Variants in FGGY observed in about 807,000 individuals in gnomAD.
The protein encoded by FGGY is FGGY carbohydrate kinase domain containing.
FGGY carries 72 observed loss-of-function variants against 71.3 expected under a neutral mutation model. That is an observed-to-expected ratio of 1.01 (90% confidence interval 0.84 to 1.23). FGGY has a LOEUF of 1.23. Among genes scored for constraint, FGGY ranks in the 50% most tolerant of loss-of-function variants. The pLI is 0.00. For synonymous variants in FGGY, 251 were observed against 250.3 expected (o/e 1.00, Z -0.02); for missense variants, 668 against 682.3 (o/e 0.98, Z 0.23).
intron 6 of FGGY, among the ~76,000 whole-genome samples, chr1:59,488,964 A>G (rs1463370574): frequency 6.6e-6 from 1 of 151,996 alleles, no homozygotes; most frequent in African/African-American, 2.4e-5. Context: ...TTCTGTTTTA[A>G]TTTCTATCTT....
At chr1:59,606,164 T>A (rs1329321426) in intron 8 of FGGY, among the ~76,000 whole-genome samples, 5 of 152,166 alleles carry the variant, frequency 3.3e-5, no homozygotes, top group African/African-American at 1.2e-4. Flanking sequence ...AAATAAAAAA[T>A]TTTAAAAAAA....
In FGGY at chr1:59,607,865, T is replaced by C. The variant is rs1471171477; in HGVS notation, c.966T>C (p.Pro322=). ...GGCCTTATTTCTCAGCCATGGTACC[T>C]GGGTTCTGGCTGAATGAAGGTGGTC... The part of the protein sequence containing the change: ...VWGPYFSAMV[P]GFWLNEGGQS... The change falls in exon 9 of 16, where the codon CCT becomes CCC. Residue 322 remains proline, a synonymous_variant. Coordinates refer to ENST00000303721, the MANE Select transcript of FGGY (RefSeq NM_018291.5). The C allele has an allele frequency of 6.2e-7, 1 of 1,614,046 alleles. No homozygotes were observed. Among genetic ancestry groups the C allele is most frequent in the Non-Finnish European group, 8.5e-7 (1 of 1,180,010 alleles).
intron 8 of FGGY, among the ~76,000 whole-genome samples, chr1:59,559,403 T>C (rs1005925169): frequency 6.6e-6 from 1 of 152,234 alleles, no homozygotes; most frequent in African/African-American, 2.4e-5. Context: ...GTCCCTGACT[T>C]CCTGAAACAA....
chr1:59,508,683 A>C (rs537607120), intron 6 of FGGY, among the ~76,000 whole-genome samples: 73 of 152,264 alleles, frequency 4.8e-4, no homozygotes, highest in Non-Finnish European at 2.5e-4. Context: ...TCTCTAAATA[A>C]ACAAAGCTCC....
At chr1:59,587,671 T>A (rs1023982334) in intron 8 of FGGY, among the ~76,000 whole-genome samples, 9 of 152,288 alleles carry the variant, frequency 5.9e-5, no homozygotes, top group African/African-American at 2.2e-4. Flanking sequence ...ACTGTTGCTG[T>A]TACCCAGGCA....
At chr1:59,510,817 G>A (rs1025575601) in intron 6 of FGGY, among the ~76,000 whole-genome samples, 3 of 152,090 alleles carry the variant, frequency 2.0e-5, no homozygotes, top group African/African-American at 4.8e-5. Context: ...CAATTCAGAC[G>A]CTAGATTTTT....
chr1:59,515,176 A>C lies in FGGY; in HGVS notation c.799+2737A>C, dbSNP rs182586649. On this transcript the variant is annotated intron_variant, in intron 7 of 15. Coordinates refer to ENST00000303721, the MANE Select transcript of FGGY (RefSeq NM_018291.5). ...CACCTCTTGCATCAGTGTGACTTGG[A>C]TATGAGACCTGGAGTCAAAGGAGGT... is the stretch of plus-strand genomic sequence containing the variant. Among the ~76,000 whole-genome samples the C allele has an allele frequency of 1.1e-3, 171 of 152,282 alleles. 2 individuals are homozygous for C. The East Asian group carries it at 0.016, about 15-fold the overall frequency.
In FGGY at chr1:59,585,029, T is replaced by C. The variant is rs541484077; in HGVS notation, c.904-22774T>C. Among the ~76,000 whole-genome samples, 8 of 152,108 alleles carry C rather than the reference T, an allele frequency of 5.3e-5. No individual in the cohort carries two copies. The East Asian group carries it at 1.4e-3, about 26-fold the overall frequency. ...TCAATGAAATAAAAGAGGATACCAA[T>C]AAATGGAAGAACATTCCATGCTCAT... On this transcript the variant is annotated intron_variant, in intron 8 of 15. Coordinates refer to ENST00000303721, the MANE Select transcript of FGGY (RefSeq NM_018291.5).
intron 11 of FGGY, among the ~76,000 whole-genome samples, chr1:59,654,974 C>G (rs568140813): frequency 5.3e-5 from 8 of 152,124 alleles, no homozygotes; most frequent in Admixed American, 2.0e-4. Context: ...AGAGTCCCCC[C>G]ACTCTGTGTC....
intron 14 of FGGY, among the ~76,000 whole-genome samples, chr1:59,733,474 G>T (rs558993798): frequency 0.014 from 2,103 of 148,714 alleles, 43 homozygotes; most frequent in African/African-American, 0.049. Context: ...TTTTTGTTTT[G>T]TTTTGTTTTT....
intron 13 of FGGY, among the ~76,000 whole-genome samples, chr1:59,668,755 G>T (rs895512450): frequency 6.6e-6 from 1 of 152,090 alleles, no homozygotes; most frequent in South Asian, 2.1e-4. Context: ...GGCCGAGGTG[G>T]GCGGATCACC....
chr1:59,503,650 A>G (rs1048280402), intron 6 of FGGY, among the ~76,000 whole-genome samples: 2 of 146,828 alleles, frequency 1.4e-5, no homozygotes, highest in Non-Finnish European at 3.0e-5. Flanking sequence ...ATATATATAC[A>G]TGATATAGAT....
intron 7 of FGGY, among the ~76,000 whole-genome samples, chr1:59,545,041 G>A (rs918540647): frequency 2.0e-5 from 3 of 152,176 alleles, no homozygotes; most frequent in African/African-American, 7.2e-5. Context: ...CAGGGGCTGG[G>A]GCTCCTTCCT....
chr1:59,565,745 A>G (rs2153725725), intron 8 of FGGY, among the ~76,000 whole-genome samples: 1 of 152,330 alleles, frequency 6.6e-6, no homozygotes, highest in East Asian at 1.9e-4. Flanking sequence ...GATCTTTCCC[A>G]GAGCCTGATG....
intron 14 of FGGY, among the ~76,000 whole-genome samples, chr1:59,715,467 C>G (rs534614448): frequency 2.6e-5 from 4 of 152,158 alleles, no homozygotes; most frequent in South Asian, 2.1e-4. Flanking sequence ...AGTCAAGTCC[C>G]GAAACACTTG....
chr1:59,302,659 C>T (rs1348096040), intron 1 of FGGY, among the ~76,000 whole-genome samples: 1 of 151,656 alleles, frequency 6.6e-6, no homozygotes, highest in Non-Finnish European at 1.5e-5. Context: ...ACACTGAGAT[C>T]TACTTGAGGG....
intron 7 of FGGY, among the ~76,000 whole-genome samples, chr1:59,521,536 C>A (rs2094834370): frequency 1.3e-5 from 2 of 152,058 alleles, no homozygotes; most frequent in Admixed American, 6.6e-5. Flanking sequence ...TGCCATGAAA[C>A]CATAATATTT....
chr1:59,510,035 T>G (rs1270503396), intron 6 of FGGY, among the ~76,000 whole-genome samples: 8 of 137,240 alleles, frequency 5.8e-5, no homozygotes, highest in Non-Finnish European at 9.0e-5. Context: ...TTCTTTTTCT[T>G]TTTTCTTTTT....
At chr1:59,591,125 AG>A (rs1411725572) in intron 8 of FGGY, among the ~76,000 whole-genome samples, 1 of 151,640 alleles carries the variant, frequency 6.6e-6, no homozygotes, top group Non-Finnish European at 1.5e-5. Flanking sequence ...AAAAATCACA[AG>A]CATTCTTATA....
Sources: gnomAD v4.1 joint callset for allele counts (sites outside exome capture counted in the v4.1 genomes callset) on GRCh38, gnomAD v4.1.1 for gene constraint, MANE v1.5 for transcripts, NCBI Gene and HGNC (gene_info 2026-07-23, HGNC 2026-07-21) for gene names.